Variants in RASGRP3 observed in about 807,000 individuals in gnomAD.
The protein encoded by RASGRP3 is ras guanyl-releasing protein 3.
Under a neutral mutation model 82.7 loss-of-function variants are expected in RASGRP3, and 54 were observed. The observed-to-expected ratio is 0.65, with a 90% CI of 0.52 to 0.82. The LOEUF (loss-of-function observed/expected upper bound fraction) is 0.82, where lower values mean the gene tolerates loss of function less well. RASGRP3 is among the 40% of genes least tolerant of loss of function. The pLI, the probability that RASGRP3 is intolerant of heterozygous loss-of-function variation, is 0.00. For synonymous variants in RASGRP3, 309 were observed against 300.5 expected (o/e 1.03, Z -0.29); for missense variants, 861 against 828.9 (o/e 1.04, Z -0.48).
chr2:33,499,078 G>C (rs1558448314), intron 1 of RASGRP3, among the ~76,000 whole-genome samples: 3 of 150,930 alleles, frequency 2.0e-5, no homozygotes, highest in Non-Finnish European at 2.9e-5. Context: ...ATAATCAAAA[G>C]AGAAACATCA....
At chr2:33,545,564 T>A (rs896743183) in intron 13 of RASGRP3, among the ~76,000 whole-genome samples, 10 of 152,304 alleles carry the variant, frequency 6.6e-5, no homozygotes, top group South Asian at 2.1e-4. Context: ...TGTGGGACAA[T>A]GCATTCATAA....
chr2:33,478,413 G>T (rs565570082), intron 1 of RASGRP3, among the ~76,000 whole-genome samples: 1 of 152,104 alleles, frequency 6.6e-6, no homozygotes, highest in East Asian at 1.9e-4. Context: ...CATTCTTTAG[G>T]GAGTTTGTTC....
chr2:33,469,739 GC>G (rs1300524621), intron 2 of RASGRP3, among the ~76,000 whole-genome samples: 4 of 152,160 alleles, frequency 2.6e-5, no homozygotes, highest in Non-Finnish European at 5.9e-5. Flanking sequence ...GGGTTTACAG[GC>G]ATGAGCCACC....
chr2:33,540,575 TG>T (rs1309228097), intron 12 of RASGRP3, among the ~76,000 whole-genome samples: 2 of 47,670 alleles, frequency 4.2e-5, no homozygotes, highest in Non-Finnish European at 9.8e-5. Flanking sequence ...TGTGTGTGTG[TG>T]TGTGTGTGTG....
intron 1 of RASGRP3, chr2:33,493,128 G>T (rs1574331515): frequency 6.6e-6 from 1 of 152,220 alleles, no homozygotes; most frequent in Non-Finnish European, 1.5e-5. Context: ...CTATTAATAA[G>T]AGGCATGCAT....
chr2:33,478,721 C>T (rs57655227), intron 1 of RASGRP3, among the ~76,000 whole-genome samples: 20,812 of 152,196 alleles, frequency 0.14, 1,815 homozygotes, highest in South Asian at 0.24. Context: ...TTAACTCTTT[C>T]GTATCAAAGA....
chr2:33,546,315 C>G (rs62149027), intron 13 of RASGRP3, among the ~76,000 whole-genome samples: 2 of 150,740 alleles, frequency 1.3e-5, no homozygotes, highest in African/African-American at 4.9e-5. Context: ...CCCAGCTACT[C>G]GGGAGGCTGA....
At chr2:33,520,514 G>T in intron 5 of RASGRP3, 39 bp from the exon 6 acceptor site, 3 of 1,610,252 alleles carry the variant, frequency 1.9e-6, no homozygotes, top group Non-Finnish European at 2.5e-6. Flanking sequence ...TAACCAACTT[G>T]CAATCTTCCA....
At chr2:33,525,725 A>AAC (rs1672492449) in intron 9 of RASGRP3, among the ~76,000 whole-genome samples, 1 of 149,662 alleles carries the variant, frequency 6.7e-6, no homozygotes, top group African/African-American at 2.5e-5. Context: ...AAAAAAAAAA[A>AAC]AACTAGCCAG....
chr2:33,517,783 A>T (rs773030986), intron 4 of RASGRP3, among the ~76,000 whole-genome samples: 1 of 152,172 alleles, frequency 6.6e-6, no homozygotes, highest in Non-Finnish European at 1.5e-5. Flanking sequence ...CACCAACAGC[A>T]TTCTCACCCT....
At chr2:33,461,469 G>T (rs1011106118) in intron 2 of RASGRP3, among the ~76,000 whole-genome samples, 1 of 152,152 alleles carries the variant, frequency 6.6e-6, no homozygotes, top group African/African-American at 2.4e-5. Context: ...GTAGAGGCGG[G>T]GTTTCGCCAT....
At chr2:33,515,328 C>T (rs903615936) in intron 3 of RASGRP3, 122 bp downstream of exon 3, 48 of 938,862 alleles carry the variant, frequency 5.1e-5, no homozygotes, top group Admixed American at 4.2e-4. Flanking sequence ...TAAGGCCTTT[C>T]GGATGGACCC....
At chr2:33,494,954 T>C (rs1669179611) in intron 1 of RASGRP3, among the ~76,000 whole-genome samples, 1 of 152,234 alleles carries the variant, frequency 6.6e-6, no homozygotes, top group Non-Finnish European at 1.5e-5. Flanking sequence ...CAAATTTACT[T>C]TCTTGTTCAG....
chr2:33,542,709 G>A (rs1674387032), intron 12 of RASGRP3, among the ~76,000 whole-genome samples: 1 of 145,746 alleles, frequency 6.9e-6, no homozygotes, highest in Non-Finnish European at 1.5e-5. Context: ...TTGAGACAGA[G>A]TTTTGCTATT....
chr2:33,536,474 C>T (rs79895925), intron 11 of RASGRP3, among the ~76,000 whole-genome samples: 3,289 of 152,130 alleles, frequency 0.022, 139 homozygotes, highest in African/African-American at 0.076. Context: ...TACCATCCCT[C>T]ATCTCAGGGA....
chr2:33,456,424 A>T (rs1666039284), intron 2 of RASGRP3, among the ~76,000 whole-genome samples: 1 of 152,182 alleles, frequency 6.6e-6, no homozygotes, highest in Non-Finnish European at 1.5e-5. Context: ...TCAATTGCTT[A>T]CATAATCCAT....
intron 1 of RASGRP3, among the ~76,000 whole-genome samples, chr2:33,445,733 A>G (rs750664782): frequency 6.6e-6 from 1 of 151,900 alleles, no homozygotes; most frequent in African/African-American, 2.4e-5. Context: ...GCTAATAATT[A>G]TATCACATTA....
intron 1 of RASGRP3, among the ~76,000 whole-genome samples, chr2:33,480,892 T>C (rs1243950967): frequency 6.6e-6 from 1 of 152,202 alleles, no homozygotes; most frequent in African/African-American, 2.4e-5. Context: ...AGAGTCGCTG[T>C]GCTTTGATCT....
chr2:33,490,550 G>A (rs770313062), intron 1 of RASGRP3, among the ~76,000 whole-genome samples: 31 of 152,178 alleles, frequency 2.0e-4, no homozygotes, highest in Admixed American at 1.2e-3. Context: ...ATGGCACAGC[G>A]TGCTTTTAAG....
Sources: gnomAD v4.1 joint callset for allele counts (sites outside exome capture counted in the v4.1 genomes callset) on GRCh38, gnomAD v4.1.1 for gene constraint, MANE v1.5 for transcripts, NCBI Gene and HGNC (gene_info 2026-07-23, HGNC 2026-07-21) for gene names.